The following GPAM variants were observed in gnomAD, a reference collection of about 807,000 sequenced individuals.
GPAM encodes glycerol-3-phosphate acyltransferase, mitochondrial, also known as glycerol-3-phosphate acyltransferase 1, mitochondrial.
In GPAM, 56 loss-of-function variants were observed where a neutral mutation model predicts 105.0. The ratio of observed to expected loss-of-function variants is 0.53; its 90% CI spans 0.43 to 0.67. The LOEUF (loss-of-function observed/expected upper bound fraction) is 0.67. Among genes scored for constraint, GPAM ranks in the 30% least tolerant of loss-of-function variants. GPAM has a pLI of 0.00. For synonymous variants in GPAM, 368 were observed against 354.4 expected, an observed-to-expected ratio of 1.04 and a Z score of -0.43; for missense variants, 855 against 989.8, an observed-to-expected ratio of 0.86 and a Z score of 1.83.
rs1329618236 is a variant in GPAM, at chr10:112,172,223, T to C, written c.753A>G (p.Pro251=). 2.5e-6 allele frequency: 4 copies of C among 1,608,206 alleles called. No homozygotes were observed. The South Asian group carries it at 4.4e-5, about 18-fold the overall frequency. The change falls in exon 9 of 22, where the codon CCA becomes CCG. Residue 251 remains proline, a synonymous_variant. Coordinates refer to ENST00000348367, the MANE Select transcript of GPAM (RefSeq NM_001244949.2). The stretch of plus-strand genomic sequence containing the variant: ...TGAGATTATTGCCTGAAGCAATGTA[T>C]GGTGCTTTGATGTTATGGCAGAAGA... ...FILFCHNIKA[P]YIASGNNLNI...
chr10:112,201,657 C>A (rs1847798240), intron 1 of GPAM, among the ~76,000 whole-genome samples: 1 of 152,302 alleles, frequency 6.6e-6, no homozygotes, highest in East Asian at 1.9e-4. Context: ...AACTTTCTGT[C>A]CCTTGCCTTG....
intron 1 of GPAM, among the ~76,000 whole-genome samples, chr10:112,197,466 T>G (rs1483462272): frequency 6.9e-6 from 1 of 144,892 alleles, no homozygotes; most frequent in East Asian, 2.0e-4. Flanking sequence ...TTTTCAGTAG[T>G]GCATATACTG....
chr10:112,204,104 CTA>C, intron 1 of GPAM, among the ~76,000 whole-genome samples: 1 of 152,282 alleles, frequency 6.6e-6, no homozygotes, highest in South Asian at 2.1e-4. Context: ...GAACCCGTGC[CTA>C]ATCAGTGCCT....
At chr10:112,206,545 C>A (rs1186256591) in intron 1 of GPAM, among the ~76,000 whole-genome samples, 3 of 122,140 alleles carry the variant, frequency 2.5e-5, no homozygotes, top group Non-Finnish European at 4.9e-5. Flanking sequence ...TGGAAACCAT[C>A]ATTCTCAGTA....
chr10:112,198,306 T>A (rs1847749751), intron 1 of GPAM, among the ~76,000 whole-genome samples: 2 of 152,326 alleles, frequency 1.3e-5, no homozygotes, highest in Non-Finnish European at 1.5e-5. Flanking sequence ...TATTTCAGAA[T>A]CACAGCGTTC....
Position 112,180,536 on chromosome 10 carries a change from G to C in GPAM, c.162C>G (p.Ser54Arg), listed in dbSNP as rs1245155538. ...FRSATLKWKESLMSRKRPFVG... is the reference protein window; with the variant it reads ...FRSATLKWKERLMSRKRPFVG... The stretch of plus-strand genomic sequence containing the variant: ...CAAATGGCCTTTTCCGACTCATTAG[G>C]CTTTCTTTCCATTTTAAAGTTGCAG... Residue 54 changes from serine (S) to arginine (R), a missense_variant, in exon 4 of 22, where the codon AGC (serine) becomes AGG (arginine). Transcript: ENST00000348367. 6.2e-7 allele frequency: 1 copy of C among 1,612,226 alleles called. No homozygotes were observed. Among genetic ancestry groups the C allele is most frequent in the Non-Finnish European group, 8.5e-7 (1 of 1,178,410 alleles).
chr10:112,226,518 A>G, the GPAM span, among the ~76,000 whole-genome samples: 1 of 152,164 alleles, frequency 6.6e-6, no homozygotes, highest in East Asian at 1.9e-4. Flanking sequence ...ACACCAGGCC[A>G]TGGGGGCTAT....
chr10:112,159,974 C>T lies in GPAM; in HGVS notation c.1839G>A (p.Glu613=). The change falls in exon 17 of 22, where the codon GAG becomes GAA. Residue 613 remains glutamate, a synonymous_variant. Transcript: ENST00000348367. ...GGCTGGCCGCCTTCCGCACCAGCTG[C>T]TCCTGGCTGATCAGGTTAGGTGGGG... ...TSTPPNLISQ[E]QLVRKAASLC... The T allele has an allele frequency of 6.2e-7, 1 of 1,614,026 alleles. No individual in the cohort carries two copies. Among genetic ancestry groups the T allele is most frequent in the South Asian group, 1.1e-5 (1 of 91,080 alleles).
chr10:112,150,257 A>C lies in GPAM; in HGVS notation c.*3293T>G, dbSNP rs182934290. ...ATAGGTCCTGTCATGTCTAAACACT[A>C]CAACTATCTGTGGATAAAAATCTGC... On this transcript the variant is annotated 3_prime_UTR_variant, in exon 22 of 22. Transcript: ENST00000348367. 3.0e-5 allele frequency: 30 copies of C among 984,336 alleles called. No homozygotes were observed. In the East Asian group the frequency reaches 2.9e-3, roughly 97 times the overall value. The allele number at this position is 984,336 out of a possible 1,614,324, so 61.0% of individuals were successfully genotyped here.
At chr10:112,174,179 C>A (rs547978185) in intron 6 of GPAM, among the ~76,000 whole-genome samples, 1 of 152,254 alleles carries the variant, frequency 6.6e-6, no homozygotes, top group African/African-American at 2.4e-5. Context: ...GAAAGGTTAT[C>A]CCTTTAGGCA....
intron 15 of GPAM, 61 bp downstream of exon 15, chr10:112,161,606 G>A (rs1038679479): frequency 4.4e-6 from 6 of 1,356,934 alleles, no homozygotes; most frequent in Non-Finnish European, 6.3e-6. Context: ...GTATGTATCT[G>A]AGCAGCTGAC....
At chr10:112,154,776 T>C in intron 20 of GPAM, 89 bp from the exon 21 acceptor site, 1 of 1,065,148 alleles carries the variant, frequency 9.4e-7, no homozygotes, top group Non-Finnish European at 1.4e-6. Flanking sequence ...TATGGGGAGC[T>C]AGGAAGAGAA....
chr10:112,198,927 T>G (rs938046346), intron 1 of GPAM, among the ~76,000 whole-genome samples: 2 of 150,198 alleles, frequency 1.3e-5, no homozygotes, highest in African/African-American at 2.4e-5. Flanking sequence ...GTTGTTTTGT[T>G]TTTTTTTTTG....
rs1052023741 is a variant in GPAM, at chr10:112,153,382, G to T, written c.*168C>A. 5 of 1,563,812 alleles carry T rather than the reference G, an allele frequency of 3.2e-6. No individual in the cohort carries two copies. Among genetic ancestry groups the T allele is most frequent in the Non-Finnish European group, 4.3e-6 (5 of 1,161,052 alleles). ...CAGGCTGCTGTGTTGATGCAGAGCT[G>T]GGAAGATCACAGATCCATGGAGGGA... On this transcript the variant is annotated 3_prime_UTR_variant, in exon 22 of 22. Coordinates refer to ENST00000348367, the MANE Select transcript of GPAM (RefSeq NM_001244949.2).
intron 4 of GPAM, 150 bp downstream of exon 4, chr10:112,180,323 A>G: frequency 1.4e-6 from 1 of 720,346 alleles, no homozygotes; most frequent in South Asian, 1.6e-5. Flanking sequence ...GGAAAGAAAA[A>G]GTGTGTCAAC....
upstream of GPAM, chr10:112,183,768 C>G (rs1847552772): frequency 6.6e-6 from 1 of 152,260 alleles, no homozygotes; most frequent in African/African-American, 2.4e-5. Context: ...AGTGGCGCAC[C>G]CTGATGACGC....
chr10:112,168,226 C>T, intron 11 of GPAM, 86 bp downstream of exon 11: 1 of 833,988 alleles, frequency 1.2e-6, no homozygotes, highest in Non-Finnish European at 2.1e-6. Context: ...AAAAAAAATT[C>T]TTAATTCTAA....
intron 1 of GPAM, among the ~76,000 whole-genome samples, chr10:112,209,609 T>C (rs1319592045): frequency 1.3e-5 from 2 of 152,270 alleles, no homozygotes; most frequent in Middle Eastern, 3.4e-3. Flanking sequence ...TGCTGCTTCA[T>C]GGTCCCCCTG....
chr10:112,183,740 C>T lies in GPAM; in HGVS notation c.-175G>A, dbSNP rs1589600049. On this transcript the variant is annotated 5_prime_UTR_variant, in exon 1 of 22. Transcript: ENST00000348367. The stretch of plus-strand genomic sequence containing the variant: ...GCTGCAGAAGCCCGCACTTCCAGTC[C>T]CGGCCAATGCCAGCTGCAGTGGCGC... 6.6e-6 allele frequency: 1 copy of T among 152,386 alleles called. No individual in the cohort carries two copies. Among genetic ancestry groups the T allele is most frequent in the East Asian group, 1.9e-4 (1 of 5,182 alleles). 9.4% of individuals were successfully genotyped at this position (152,386 alleles called of 1,614,324 possible).
Sources: allele counts gnomAD v4.1 joint callset (sites outside exome capture counted in the v4.1 genomes callset), GRCh38; gene constraint gnomAD v4.1.1; transcripts MANE v1.5; gene names NCBI Gene and HGNC (gene_info 2026-07-23, HGNC 2026-07-21).